The following DNAJC1 variants were observed in gnomAD, a reference collection of about 807,000 sequenced individuals.
DNAJC1 encodes dnaJ homolog subfamily C member 1.
In DNAJC1, 58 loss-of-function variants were observed where a neutral mutation model predicts 76.6. The ratio of observed to expected loss-of-function variants is 0.76; its 90% CI spans 0.61 to 0.94. The LOEUF (loss-of-function observed/expected upper bound fraction) is 0.94. Among genes scored for constraint, DNAJC1 ranks in the 40% least tolerant of loss-of-function variants. The probability of loss-of-function intolerance (pLI) is 0.00; values close to 1 mark genes in which losing one functional copy is unlikely to be tolerated. For synonymous variants in DNAJC1, 258 were observed against 267.9 expected (o/e 0.96, Z 0.36); for missense variants, 689 against 677.3 (o/e 1.02, Z -0.19).
intron 1 of DNAJC1, among the ~76,000 whole-genome samples, chr10:21,950,864 C>G (rs891306192): frequency 1.3e-5 from 2 of 152,046 alleles, no homozygotes; most frequent in African/African-American, 4.8e-5. Flanking sequence ...CTGAGAAGGA[C>G]AAGAGGGTGA....
intron 1 of DNAJC1, among the ~76,000 whole-genome samples, chr10:21,999,028 A>C (rs544974415): frequency 6.6e-6 from 1 of 152,354 alleles, no homozygotes; most frequent in East Asian, 1.9e-4. Context: ...TAGAGCTTAG[A>C]GAGTAACTGA....
At chr10:21,947,343 T>C (rs1339336212) in intron 1 of DNAJC1, among the ~76,000 whole-genome samples, 3 of 152,104 alleles carry the variant, frequency 2.0e-5, no homozygotes, top group Non-Finnish European at 4.4e-5. Context: ...GTTACACAAG[T>C]ATGCCTGCCT....
intron 8 of DNAJC1, among the ~76,000 whole-genome samples, chr10:21,881,798 G>T (rs1046263786): frequency 6.9e-6 from 1 of 144,670 alleles, no homozygotes; most frequent in African/African-American, 2.6e-5. Flanking sequence ...GAAAAATGGT[G>T]CCCGTAAACT....
intron 1 of DNAJC1, among the ~76,000 whole-genome samples, chr10:21,954,233 CTAAAT>C (rs1373104480): frequency 1.3e-5 from 2 of 152,132 alleles, no homozygotes; most frequent in African/African-American, 4.8e-5. Context: ...TATGATGTGA[CTAAAT>C]TAAGTATTTT....
At chr10:21,960,033 T>G (rs1407537638) in intron 1 of DNAJC1, among the ~76,000 whole-genome samples, 1 of 152,228 alleles carries the variant, frequency 6.6e-6, no homozygotes, top group Non-Finnish European at 1.5e-5. Context: ...CAAGCCACTA[T>G]GATTTTTTGC....
chr10:22,001,954 T>C (rs1838524629), intron 1 of DNAJC1, among the ~76,000 whole-genome samples: 1 of 152,240 alleles, frequency 6.6e-6, no homozygotes, highest in African/African-American at 2.4e-5. Context: ...AATATAGTTA[T>C]TACAAAGTTG....
intron 9 of DNAJC1, among the ~76,000 whole-genome samples, chr10:21,801,312 A>G (rs1182454397): frequency 6.6e-6 from 1 of 152,184 alleles, no homozygotes; most frequent in African/African-American, 2.4e-5. Flanking sequence ...ATCCCATGAA[A>G]AAGTGGGCAA....
chr10:21,954,770 T>G (rs1456454042), intron 1 of DNAJC1, among the ~76,000 whole-genome samples: 1 of 152,172 alleles, frequency 6.6e-6, no homozygotes, highest in East Asian at 1.9e-4. Flanking sequence ...ATAAATGTAT[T>G]AAACAGCCTC....
At chr10:21,881,260 TGTTTTG>T (rs1836270821) in intron 8 of DNAJC1, among the ~76,000 whole-genome samples, 1 of 152,230 alleles carries the variant, frequency 6.6e-6, no homozygotes, top group Non-Finnish European at 1.5e-5. Context: ...GCAATAAGGT[TGTTTTG>T]CTTGCTTACC....
chr10:21,932,015 A>G (rs909419482), intron 1 of DNAJC1, among the ~76,000 whole-genome samples: 5 of 151,874 alleles, frequency 3.3e-5, no homozygotes, highest in East Asian at 1.9e-4. Context: ...CACTTTTGGG[A>G]AAAAAAACAA....
intron 10 of DNAJC1, among the ~76,000 whole-genome samples, chr10:21,764,655 C>A (rs922408566): frequency 7.2e-5 from 11 of 152,212 alleles, no homozygotes; most frequent in Admixed American, 3.3e-4. Flanking sequence ...ATGGATCACA[C>A]TGCTTACGGA....
At position 21,786,457 on chromosome 10, in the gene DNAJC1, TATATATAGAGAGAGAG is replaced by T. The variant is rs1240048057; in HGVS notation, c.1098+19507_1098+19522del. On this transcript the variant is annotated intron_variant, in intron 9 of 11. Coordinates refer to ENST00000376980, the MANE Select transcript of DNAJC1 (RefSeq NM_022365.4). ...ATATATATATATATATATATATATA[TATATATAGAGAGAGAG>T]AGAGAGAGAGAGAGAGAGAGAGAGA... Among the ~76,000 whole-genome samples the T allele has an allele frequency of 1.1e-4, 5 of 44,444 alleles. No individual in the cohort carries two copies. The East Asian group carries it at 2.4e-3, about 22-fold the overall frequency. The allele number at this position is 44,444 out of a possible 152,430, so 29.2% of individuals were successfully genotyped here.
Position 21,766,301 on chromosome 10 carries a change from G to T in DNAJC1, c.1107C>A (p.Thr369=), listed in dbSNP as rs754171169. 5.0e-6 allele frequency: 8 copies of T among 1,613,730 alleles called. No homozygotes were observed. The highest frequency in any genetic ancestry group is 1.1e-5 in the South Asian group (1 of 91,058). The part of the protein sequence containing the change: ...ELGRSVTDVT[T]KAKQLKDSVT... ...CTGAATCCTTCAGTTGCTTGGCTTT[G>T]GTTGTCACCTGTTTCAAAACATAAA... The change falls in exon 10 of 12, where the codon ACC becomes ACA. Residue 369 remains threonine (T), a synonymous_variant. Coordinates refer to ENST00000376980, the MANE Select transcript of DNAJC1 (RefSeq NM_022365.4).
intron 7 of DNAJC1, among the ~76,000 whole-genome samples, chr10:21,903,506 G>A (rs1266968715): frequency 1.3e-5 from 2 of 152,164 alleles, no homozygotes; most frequent in African/African-American, 4.8e-5. Flanking sequence ...ATTAAATTAT[G>A]TGCTTCTTGA....
At chr10:21,759,676 G>C (rs754116908) in intron 10 of DNAJC1, 58 bp from the exon 11 acceptor site, 3 of 1,531,586 alleles carry the variant, frequency 2.0e-6, no homozygotes, top group Non-Finnish European at 2.7e-6. Flanking sequence ...AGGAGACGGT[G>C]AGAACAGCAG....
chr10:21,914,536 C>CTGATA (rs1367115181), intron 6 of DNAJC1, among the ~76,000 whole-genome samples: 26 of 152,266 alleles, frequency 1.7e-4, no homozygotes, highest in African/African-American at 6.0e-4. Flanking sequence ...GTTGTCTTAT[C>CTGATA]AGTTAACTTT....
rs533163818 is a variant in DNAJC1 at position 21,980,592 on chromosome 10, A to C, written c.222+22621T>G. ...ACAACTAAATGTGTGATTCTGCACCAGGAAAAGGATGTTAATGGGACAGCT... is the reference window on the plus strand; with the variant it reads ...ACAACTAAATGTGTGATTCTGCACCCGGAAAAGGATGTTAATGGGACAGCT... On this transcript the variant is annotated intron_variant, in intron 1 of 11. Transcript: ENST00000376980. 4.6e-5 allele frequency among the ~76,000 whole-genome samples: 7 copies of C among 152,264 alleles called. No individual in the cohort carries two copies. The East Asian group carries it at 1.4e-3, about 29-fold the overall frequency.
intron 8 of DNAJC1, among the ~76,000 whole-genome samples, chr10:21,872,006 G>GA (rs941751829): frequency 1.3e-5 from 2 of 149,584 alleles, no homozygotes; most frequent in Non-Finnish European, 3.0e-5. Context: ...CTGACATAAA[G>GA]AAAAAAATAG....
At chr10:21,925,056 G>A (rs967281026) in intron 3 of DNAJC1, among the ~76,000 whole-genome samples, 5 of 152,080 alleles carry the variant, frequency 3.3e-5, no homozygotes, top group South Asian at 4.1e-4. Context: ...ACAATGGCAC[G>A]ATCATGGCTC....
Sources: allele counts gnomAD v4.1 joint callset (sites outside exome capture counted in the v4.1 genomes callset), GRCh38; gene constraint gnomAD v4.1.1; transcripts MANE v1.5; gene names NCBI Gene and HGNC (gene_info 2026-07-23, HGNC 2026-07-21).